Variants in AK8 observed in about 807,000 individuals in gnomAD.
AK8 encodes the protein ATP-AMP transphosphorylase 8.
A neutral mutation model predicts 54.6 loss-of-function variants in AK8; 44 were observed. The ratio of observed to expected loss-of-function variants is 0.81; its 90% CI spans 0.63 to 1.04. The LOEUF (loss-of-function observed/expected upper bound fraction) is 1.04. AK8 is among the 50% of genes least tolerant of loss of function. The pLI, the probability that AK8 is intolerant of heterozygous loss-of-function variation, is 0.00. For missense variants in AK8, 555 were observed against 613.6 expected, an observed-to-expected ratio of 0.90 and a Z score of 1.01; for synonymous variants, 239 against 245.6, an observed-to-expected ratio of 0.97 and a Z score of 0.25.
chr9:132,823,060 T>C (rs1386545527), intron 9 of AK8, 145 bp downstream of exon 9: 1 of 1,158,658 alleles, frequency 8.6e-7, no homozygotes, highest in Non-Finnish European at 1.1e-6. Flanking sequence ...TAACAGAAAA[T>C]GGTTAAGAAC....
rs190544141 is a variant in AK8 at position 132,867,072 on chromosome 9, G to A, written c.170-119C>T. The A allele has an allele frequency of 4.5e-4, 431 of 958,508 alleles. 1 individual carries two copies. The highest frequency in any genetic ancestry group is 5.1e-4 in the Non-Finnish European group (305 of 599,132). 59.4% of individuals were successfully genotyped at this position (958,508 alleles called of 1,614,324 possible). A position where few individuals can be genotyped will look rare whatever the true frequency, so the allele number is the denominator to read the frequency against. On this transcript the variant is annotated intron_variant, in intron 2 of 12. Coordinates refer to ENST00000298545, the MANE Select transcript of AK8 (RefSeq NM_152572.3). ...AGATTTCATTTTCTGCCAGTGACACGGCCATTTGTAACCCAGCAGCTCAGA... is the reference window on the plus strand; with the variant it reads ...AGATTTCATTTTCTGCCAGTGACACAGCCATTTGTAACCCAGCAGCTCAGA...
rs1428402718 is a variant in AK8 at position 132,803,930 on chromosome 9, AC to A, written c.979+10707del. 6.6e-6 allele frequency among the ~76,000 whole-genome samples: 1 copy of A among 151,708 alleles called. No homozygotes were observed. Among genetic ancestry groups the A allele is most frequent in the Non-Finnish European group, 1.5e-5 (1 of 67,936 alleles). The stretch of plus-strand genomic sequence containing the variant: ...ATGGAGACCTGGCCAATATGGTGAA[AC>A]CCCATCTCTACTAAAAATACAAAAA... On this transcript the variant is annotated intron_variant, in intron 10 of 12. Coordinates refer to ENST00000298545, the MANE Select transcript of AK8 (RefSeq NM_152572.3). The surrounding 1 kb of genome is among the most constrained non-coding windows in gnomAD (Gnocchi z 4.4).
At chr9:132,835,168 C>T (rs747504479) in intron 5 of AK8, among the ~76,000 whole-genome samples, 6 of 152,204 alleles carry the variant, frequency 3.9e-5, no homozygotes, top group Non-Finnish European at 8.8e-5. Flanking sequence ...CTGCGCCCGG[C>T]TTCAAGAGGG....
chr9:132,849,151 G>A (rs12379360), intron 5 of AK8, among the ~76,000 whole-genome samples: 5,535 of 152,200 alleles, frequency 0.036, 165 homozygotes, highest in Non-Finnish European at 0.056. Flanking sequence ...CTCATGATCC[G>A]CCTGTCTCAG....
chr9:132,854,739 G>A (rs1439633544), intron 5 of AK8, 118 bp downstream of exon 5: 24 of 1,103,578 alleles, frequency 2.2e-5, no homozygotes, highest in Middle Eastern at 3.9e-4. Context: ...CGGAGTTCCC[G>A]TTTGCCTGCC....
rs1363568580 is a variant in AK8 at position 132,799,286 on chromosome 9, A to G, written c.980-6511T>C. Among the ~76,000 whole-genome samples the G allele has an allele frequency of 6.6e-6, 1 of 152,174 alleles. No homozygotes were observed. The highest frequency in any genetic ancestry group is 1.5e-5 in the Non-Finnish European group (1 of 68,016). ...ACTAAGGTTTCTGGGGCTGGCATAT[A>G]AAGATAGGACAAAAAGTGGAGAGAA... On this transcript the variant is annotated intron_variant, in intron 10 of 12. Coordinates refer to ENST00000298545, the MANE Select transcript of AK8 (RefSeq NM_152572.3). The surrounding 1 kb of genome is among the most constrained non-coding windows in gnomAD (Gnocchi z 5.0).
intron 11 of AK8, among the ~76,000 whole-genome samples, chr9:132,741,710 T>C (rs1270687149): frequency 1.3e-5 from 2 of 152,208 alleles, no homozygotes; most frequent in Admixed American, 1.3e-4. Context: ...TCAATGGATT[T>C]AGTATATTCA....
At position 132,862,307 on chromosome 9, in the gene AK8, G is replaced by A. The variant is rs561466420; in HGVS notation, c.333+1358C>T. Among the ~76,000 whole-genome samples the A allele has an allele frequency of 8.6e-5, 13 of 151,734 alleles. No individual in the cohort carries two copies. The South Asian group carries it at 2.3e-3, about 27-fold the overall frequency. On this transcript the variant is annotated intron_variant, in intron 4 of 12. Transcript: ENST00000298545. ...GCAGACTTGGGGCTGGGGGTCTGTC[G>A]AAGTCACACCCCTTTCTCTCTCTTT... is the stretch of plus-strand genomic sequence containing the variant.
rs200936362 is a variant in AK8, at chr9:132,827,023, G to C, written c.588C>G (p.Pro196=). 6.2e-7 allele frequency: 1 copy of C among 1,614,214 alleles called. No individual in the cohort carries two copies. The highest frequency in any genetic ancestry group is 8.5e-7 in the Non-Finnish European group (1 of 1,180,032). The change falls in exon 8 of 13, where the codon CCC becomes CCG. Residue 196 remains proline (P), a synonymous_variant. Coordinates refer to ENST00000298545, the MANE Select transcript of AK8 (RefSeq NM_152572.3). ...EIYHTTFDWP[P]ESEIQNRLMV... ...TGAGACGGTTCTGGATTTCAGATTC[G>C]GGTGGCCAGTCAAAGGTGGTGTGAT...
At chr9:132,751,539 C>CAA (rs879903382) in intron 11 of AK8, among the ~76,000 whole-genome samples, 10 of 96,710 alleles carry the variant, frequency 1.0e-4, no homozygotes, top group Admixed American at 2.3e-4. Context: ...AGTGAGACTC[C>CAA]AAAAAAAAAA....
intron 5 of AK8, among the ~76,000 whole-genome samples, chr9:132,851,726 T>G (rs1161616032): frequency 1.3e-5 from 2 of 152,326 alleles, no homozygotes; most frequent in Non-Finnish European, 2.9e-5. Flanking sequence ...AGGACTGACA[T>G]GGAAACCACA....
intron 2 of AK8, among the ~76,000 whole-genome samples, chr9:132,871,505 A>G (rs1238053328): frequency 1.3e-5 from 2 of 152,176 alleles, no homozygotes; most frequent in African/African-American, 4.8e-5. Context: ...TGGGAAACAA[A>G]TGAACTCTCC....
At chr9:132,858,574 C>CTTCT (rs1843266137) in intron 4 of AK8, among the ~76,000 whole-genome samples, 2 of 152,202 alleles carry the variant, frequency 1.3e-5, no homozygotes, top group Non-Finnish European at 2.9e-5. Flanking sequence ...TGATCTGACC[C>CTTCT]CCACACCCCC....
chr9:132,844,054 A>G (rs1268985630), intron 5 of AK8, among the ~76,000 whole-genome samples: 1 of 152,174 alleles, frequency 6.6e-6, no homozygotes, highest in Non-Finnish European at 1.5e-5. Flanking sequence ...TCTCTTTGGT[A>G]CTGAGCCTTT....
At chr9:132,871,829 CCAA>C (rs1202691945) in intron 2 of AK8, among the ~76,000 whole-genome samples, 1 of 152,304 alleles carries the variant, frequency 6.6e-6, no homozygotes, top group Non-Finnish European at 1.5e-5. Context: ...GGCTGTCCAG[CCAA>C]CATCAACTGC....
intron 10 of AK8, among the ~76,000 whole-genome samples, chr9:132,795,395 G>T (rs1470732520): frequency 6.6e-6 from 1 of 152,152 alleles, no homozygotes; most frequent in Non-Finnish European, 1.5e-5. Context: ...GGGGCGTGGG[G>T]AGCCAGCTCT....
chr9:132,859,884 TG>T (rs1161729291), intron 4 of AK8, among the ~76,000 whole-genome samples: 2 of 151,420 alleles, frequency 1.3e-5, no homozygotes, highest in African/African-American at 2.4e-5. Context: ...GTGGAGAAGG[TG>T]TTAGGGCCAC....
chr9:132,735,120 A>G (rs1837035664), intron 11 of AK8, among the ~76,000 whole-genome samples: 1 of 152,180 alleles, frequency 6.6e-6, no homozygotes, highest in African/African-American at 2.4e-5. Context: ...TACTTAGTCT[A>G]CTGGGTCCCA....
intron 11 of AK8, among the ~76,000 whole-genome samples, chr9:132,775,534 C>T (rs1392065030): frequency 2.0e-5 from 3 of 152,154 alleles, no homozygotes; most frequent in Non-Finnish European, 4.4e-5. Context: ...AACCACTGAC[C>T]TCAAGTGATC....
Sources: allele counts gnomAD v4.1 joint callset (sites outside exome capture counted in the v4.1 genomes callset), GRCh38; gene constraint gnomAD v4.1.1; non-coding constraint Gnocchi (gnomAD v3.1); transcripts MANE v1.5; gene names NCBI Gene and HGNC (gene_info 2026-07-23, HGNC 2026-07-21).